CACNA1D: variants seen among roughly 807,000 people sequenced by gnomAD.
CACNA1D encodes calcium voltage-gated channel subunit alpha1 D.
CACNA1D carries 55 observed loss-of-function variants against 257.1 expected under a neutral mutation model. The ratio of observed to expected loss-of-function variants is 0.21; its 90% confidence interval spans 0.17 to 0.27. The LOEUF is 0.27. Among genes scored for constraint, CACNA1D ranks in the 10% least tolerant of loss-of-function variants. CACNA1D has a pLI of 1.00. For missense variants in CACNA1D, 1,876 were observed against 2,784.0 expected, an observed-to-expected ratio of 0.67 and a Z score of 7.34; for synonymous variants, 980 against 1,014.9, an observed-to-expected ratio of 0.97 and a Z score of 0.65.
chr3:53,749,582 TGGGGCTA>T, intron 27 of CACNA1D, 113 bp downstream of exon 27: 1 of 773,532 alleles, frequency 1.3e-6, no homozygotes, highest in Non-Finnish European at 2.3e-6. Context: ...TGTCTGTCCC[TGGGGCTA>T]GGGCCCTGTT....
intron 3 of CACNA1D, among the ~76,000 whole-genome samples, chr3:53,529,346 C>T (rs142391167): frequency 1.4e-4 from 21 of 152,292 alleles, no homozygotes; most frequent in East Asian, 3.9e-4. Flanking sequence ...ATTCCCAGGA[C>T]GCACCTCACT....
chr3:53,562,608 T>G (rs2092760121), intron 3 of CACNA1D, among the ~76,000 whole-genome samples: 1 of 152,208 alleles, frequency 6.6e-6, no homozygotes, highest in African/African-American at 2.4e-5. Context: ...AAAAGCTATA[T>G]GTAACTCTTA....
At chr3:53,758,643 C>G (rs1458291974) in intron 29 of CACNA1D, among the ~76,000 whole-genome samples, 2 of 152,206 alleles carry the variant, frequency 1.3e-5, no homozygotes, top group African/African-American at 4.8e-5. Flanking sequence ...TTTTAAATTT[C>G]CAGAGTCAGA....
chr3:53,706,818 C>T (rs1406403226), intron 9 of CACNA1D, among the ~76,000 whole-genome samples: 1 of 152,108 alleles, frequency 6.6e-6, no homozygotes. Context: ...TCCATCCACA[C>T]CCTATGTCCA....
chr3:53,609,640 G>C (rs997896533), intron 3 of CACNA1D, among the ~76,000 whole-genome samples: 1 of 152,078 alleles, frequency 6.6e-6, no homozygotes, highest in Non-Finnish European at 1.5e-5. Context: ...TCTGATACCA[G>C]TAATTCATTT....
rs144841418 is a variant in CACNA1D at position 53,717,207 on chromosome 3, A to G, written c.1391-1094A>G. Reference sequence around the variant, plus strand: ...AAGTACACGTGGATTCTCTTCCGTGACTTCCTCTTTTACCTCTGCACCCCG... The same window carrying G: ...AAGTACACGTGGATTCTCTTCCGTGGCTTCCTCTTTTACCTCTGCACCCCG... On this transcript the variant is annotated intron_variant, in intron 9 of 47. Coordinates refer to ENST00000350061, the MANE Select transcript of CACNA1D (RefSeq NM_001128840.3). Among the ~76,000 whole-genome samples the G allele has an allele frequency of 2.0e-5, 3 of 152,298 alleles. No homozygotes were observed. In the East Asian group the frequency reaches 5.8e-4, roughly 29 times the overall value.
intron 19 of CACNA1D, among the ~76,000 whole-genome samples, chr3:53,733,944 G>GTGTGTGTGTT (rs1553652612): frequency 1.5e-5 from 2 of 136,636 alleles, no homozygotes; most frequent in African/African-American, 5.6e-5. Flanking sequence ...GTGTGTGTGT[G>GTGTGTGTGTT]TGTGTGTGTA....
intron 3 of CACNA1D, among the ~76,000 whole-genome samples, chr3:53,640,135 T>C (rs2108195729): frequency 6.6e-6 from 1 of 152,320 alleles, no homozygotes; most frequent in East Asian, 1.9e-4. Flanking sequence ...GTGCTGGGTT[T>C]ACAGCCGTGA....
intron 3 of CACNA1D, among the ~76,000 whole-genome samples, chr3:53,523,534 C>T (rs144418519): frequency 1.9e-4 from 29 of 152,324 alleles, no homozygotes; most frequent in African/African-American, 6.7e-4. Flanking sequence ...GGGCCTCTGG[C>T]GCTTCGCCAT....
chr3:53,637,141 G>A (rs899565646), intron 3 of CACNA1D, among the ~76,000 whole-genome samples: 2 of 152,112 alleles, frequency 1.3e-5, no homozygotes, highest in Non-Finnish European at 2.9e-5. Context: ...ACAAATCAGA[G>A]CTACCTAAAA....
chr3:53,702,533 C>G, intron 8 of CACNA1D, 108 bp from the exon 9 acceptor site: 1 of 1,009,374 alleles, frequency 9.9e-7, no homozygotes, highest in Non-Finnish European at 1.6e-6. Context: ...TGACTATACT[C>G]AGTGCTGTGT....
chr3:53,593,783 T>G (rs2093338003), intron 3 of CACNA1D, among the ~76,000 whole-genome samples: 1 of 152,120 alleles, frequency 6.6e-6, no homozygotes, highest in Admixed American at 6.5e-5. Context: ...CACTCCCAAC[T>G]AGCACGTGGG....
chr3:53,738,661 T>C (rs1303684500), intron 20 of CACNA1D, among the ~76,000 whole-genome samples: 1 of 152,186 alleles, frequency 6.6e-6, no homozygotes, highest in African/African-American at 2.4e-5. Flanking sequence ...CCAAAAATGT[T>C]ACCGTTCTGC....
intron 30 of CACNA1D, among the ~76,000 whole-genome samples, chr3:53,769,183 G>A (rs2095352383): frequency 6.6e-6 from 1 of 152,226 alleles, no homozygotes; most frequent in African/African-American, 2.4e-5. Context: ...CCCTGGGGTG[G>A]GGGTTGGGGG....
At chr3:53,694,518 T>C (rs549566261) in intron 8 of CACNA1D, among the ~76,000 whole-genome samples, 128 of 152,278 alleles carry the variant, frequency 8.4e-4, no homozygotes, top group Non-Finnish European at 1.6e-3. Flanking sequence ...TTAGTAACGC[T>C]GTTGTTCTGT....
chr3:53,534,838 C>T (rs1325163942), intron 3 of CACNA1D, among the ~76,000 whole-genome samples: 8 of 152,170 alleles, frequency 5.3e-5, no homozygotes, highest in South Asian at 2.1e-4. Flanking sequence ...CTGTCAGCGC[C>T]GGGCCAGATC....
chr3:53,768,861 G>T (rs918921813), intron 30 of CACNA1D, among the ~76,000 whole-genome samples: 2 of 152,160 alleles, frequency 1.3e-5, no homozygotes, highest in Admixed American at 1.3e-4. Flanking sequence ...CGAGAAGTGA[G>T]CACATCCAGA....
intron 45 of CACNA1D, among the ~76,000 whole-genome samples, chr3:53,805,756 CTCCTCCCTCATCTTCCCTCT>C (rs1273130023): frequency 1.4e-5 from 2 of 146,542 alleles, no homozygotes; most frequent in Non-Finnish European, 3.0e-5. Context: ...ATCTTCCCTC[CTCCTCCCTCATCTTCCCTCT>C]TCCTCCCTCA....
chr3:53,590,986 T>C (rs1027957075), intron 3 of CACNA1D, among the ~76,000 whole-genome samples: 7 of 152,186 alleles, frequency 4.6e-5, no homozygotes, highest in African/African-American at 1.7e-4. Context: ...GAAATACACA[T>C]TTGAGGAGGC....
Sources: allele counts gnomAD v4.1 joint callset (sites outside exome capture counted in the v4.1 genomes callset), GRCh38; gene constraint gnomAD v4.1.1; transcripts MANE v1.5; gene names NCBI Gene and HGNC (gene_info 2026-07-23, HGNC 2026-07-21).